The following CCDC7 variants were observed in gnomAD, a reference collection of about 807,000 sequenced individuals.
CCDC7 encodes coiled-coil domain containing 7, also known as coiled-coil domain-containing protein 7.
In CCDC7, 183 loss-of-function variants were observed where a neutral mutation model predicts 196.9. The observed-to-expected ratio is 0.93, with a 90% CI of 0.82 to 1.05. The LOEUF is 1.05. Among genes scored for constraint, CCDC7 ranks in the 50% least tolerant of loss-of-function variants. The pLI is 0.00. For synonymous variants in CCDC7, 525 were observed against 484.6 expected, an observed-to-expected ratio of 1.08 and a Z score of -1.10; for missense variants, 1,540 against 1,482.2, an observed-to-expected ratio of 1.04 and a Z score of -0.64.
upstream of CCDC7, among the ~76,000 whole-genome samples, chr10:32,450,981 T>C (rs1162566976): frequency 6.6e-6 from 1 of 152,206 alleles, no homozygotes; most frequent in African/African-American, 2.4e-5. Context: ...TTTTCCTTTC[T>C]ATTTTTCATT....
chr10:32,491,963 A>C, exon 9 of CCDC7: 1 of 1,581,338 alleles, frequency 6.3e-7, no homozygotes, highest in South Asian at 1.2e-5. Flanking sequence ...TGCCATGTTG[A>C]AAGTATTTGA....
chr10:32,563,755 A>C (rs187816764), intron 13 of CCDC7, among the ~76,000 whole-genome samples: 5,910 of 152,156 alleles, frequency 0.039, 121 homozygotes, highest in Middle Eastern at 0.051. Context: ...GACTTCATGT[A>C]TAAAACACCA....
chr10:32,561,634 G>A (rs560392280), intron 13 of CCDC7, among the ~76,000 whole-genome samples: 83 of 152,304 alleles, frequency 5.4e-4, no homozygotes, highest in Admixed American at 9.2e-4. Context: ...CAGAATCTCT[G>A]GGACACATTC....
At chr10:32,595,829 C>T (rs1277952046) in intron 18 of CCDC7, among the ~76,000 whole-genome samples, 1 of 152,178 alleles carries the variant, frequency 6.6e-6, no homozygotes, top group Non-Finnish European at 1.5e-5. Context: ...GCAGGTTGTT[C>T]AGTTTCCGTG....
At chr10:32,669,306 G>C (rs1381529366) in intron 21 of CCDC7, among the ~76,000 whole-genome samples, 3 of 152,086 alleles carry the variant, frequency 2.0e-5, no homozygotes, top group Non-Finnish European at 2.9e-5. Flanking sequence ...TTAGTATTTT[G>C]TTGAGGTTTT....
At position 32,511,717 on chromosome 10, in the gene CCDC7, T is replaced by C. The variant is rs527389356; in HGVS notation, c.873-6228T>C. ...ACTCGTGAATTTCTACTGGATAGTC[T>C]TCATTAATTTCTTCACCTGCCGTTA... On this transcript the variant is annotated intron_variant, in intron 9 of 41. Transcript: ENST00000639629. The C allele has an allele frequency of 3.2e-6, 5 of 1,576,270 alleles. No homozygotes were observed. The African/African-American group carries it at 6.7e-5, about 21-fold the overall frequency.
intron 9 of CCDC7, chr10:32,511,821 C>T (rs1424471815): frequency 3.3e-6 from 3 of 906,758 alleles, no homozygotes; most frequent in Non-Finnish European, 1.8e-6. Flanking sequence ...GCCAGCTCTG[C>T]CCGCGCCACC....
intron 31 of CCDC7, among the ~76,000 whole-genome samples, chr10:32,815,819 A>T (rs2088335941): frequency 6.6e-6 from 1 of 152,252 alleles, no homozygotes; most frequent in African/African-American, 2.4e-5. Context: ...AAACTTTTGA[A>T]GTCCAGAAGG....
intron 18 of CCDC7, among the ~76,000 whole-genome samples, chr10:32,599,132 G>A (rs2060731592): frequency 6.6e-6 from 1 of 152,142 alleles, no homozygotes; most frequent in Non-Finnish European, 1.5e-5. Context: ...ATATCTGCTT[G>A]ATTCGTTGAC....
chr10:32,667,753 G>A (rs933408288), intron 21 of CCDC7, among the ~76,000 whole-genome samples: 1 of 152,166 alleles, frequency 6.6e-6, no homozygotes, highest in African/African-American at 2.4e-5. Context: ...CCAGCACCAT[G>A]CTCTTTTGGT....
Position 32,760,054 on chromosome 10 carries a change from C to T in CCDC7, c.2906-18923C>T, listed in dbSNP as rs893774969. On this transcript the variant is annotated intron_variant, in intron 28 of 41. Coordinates refer to ENST00000639629, the Ensembl canonical transcript of CCDC7. ...TCAAAACCACAATGAGATACCATCT[C>T]ACACCAGTTAGAATGGCTATCACTA... Among the ~76,000 whole-genome samples, 90 of 150,368 alleles carry T rather than the reference C, an allele frequency of 6.0e-4. 1 individual carries two copies. The highest frequency in any genetic ancestry group is 2.0e-3 in the African/African-American group (85 of 41,468).
intron 36 of CCDC7, 131 bp downstream of exon 37, chr10:32,846,090 A>G: frequency 1.3e-6 from 1 of 777,322 alleles, no homozygotes; most frequent in South Asian, 1.7e-5. Context: ...TGCTATTGGA[A>G]GACATATAAT....
chr10:32,562,896 A>G (rs1323478459), intron 13 of CCDC7, among the ~76,000 whole-genome samples: 1 of 152,232 alleles, frequency 6.6e-6, no homozygotes, highest in Non-Finnish European at 1.5e-5. Flanking sequence ...CATCTGGGCT[A>G]GAAAACCCCA....
intron 38 of CCDC7, 105 bp from the exon 40 acceptor site, chr10:32,848,491 A>G (rs2093405472): frequency 2.4e-6 from 2 of 825,186 alleles, no homozygotes; most frequent in Non-Finnish European, 1.9e-6. Context: ...AAATGTGGGA[A>G]GAAAAATTAC....
At chr10:32,619,763 T>A (rs1022207869) in intron 18 of CCDC7, among the ~76,000 whole-genome samples, 16 of 151,984 alleles carry the variant, frequency 1.1e-4, no homozygotes, top group South Asian at 4.2e-4. Context: ...AGTCTATTTT[T>A]AAAAAAAATT....
chr10:32,671,201 C>T (rs2073997069), intron 21 of CCDC7, among the ~76,000 whole-genome samples: 1 of 152,112 alleles, frequency 6.6e-6, no homozygotes, highest in African/African-American at 2.4e-5. Flanking sequence ...CTCAGAGTAA[C>T]TCTTAGTTCT....
chr10:32,771,751 A>G (rs1263518671), intron 28 of CCDC7, among the ~76,000 whole-genome samples: 1 of 152,198 alleles, frequency 6.6e-6, no homozygotes, highest in Non-Finnish European at 1.5e-5. Flanking sequence ...GCTTTTTTGA[A>G]CACCAGTTAA....
At position 32,791,677 on chromosome 10, in the gene CCDC7, A is replaced by G. The variant is rs968912407; in HGVS notation, c.3013+12593A>G. On this transcript the variant is annotated intron_variant, in intron 29 of 41. Transcript: ENST00000639629. Reference sequence around the variant, plus strand: ...ATAGGTCTTTTGAAATGACTCTATCAGAGAAGAAAAAAAGAATGAAAAAGA... The same window carrying G: ...ATAGGTCTTTTGAAATGACTCTATCGGAGAAGAAAAAAAGAATGAAAAAGA... 4.6e-5 allele frequency among the ~76,000 whole-genome samples: 7 copies of G among 151,880 alleles called. No homozygotes were observed. In the South Asian group the frequency reaches 1.5e-3, roughly 32 times the overall value.
intron 21 of CCDC7, among the ~76,000 whole-genome samples, chr10:32,676,729 G>T (rs576248298): frequency 6.6e-6 from 1 of 152,028 alleles, no homozygotes; most frequent in Non-Finnish European, 1.5e-5. Context: ...AACAGGTGCT[G>T]GAGAGGATGT....
Sources: allele counts gnomAD v4.1 joint callset (sites outside exome capture counted in the v4.1 genomes callset), GRCh38; gene constraint gnomAD v4.1.1; transcripts MANE v1.5; gene names NCBI Gene and HGNC (gene_info 2026-07-23, HGNC 2026-07-21).